AAR2: variants seen among roughly 807,000 people sequenced by gnomAD.
AAR2 encodes the protein AAR2 splicing factor.
A neutral mutation model predicts 26.9 loss-of-function variants in AAR2; 31 were observed. The observed-to-expected ratio is 1.15, with a 90% CI of 0.86 to 1.55. The LOEUF (loss-of-function observed/expected upper bound fraction) is 1.55, where lower values mean the gene tolerates loss of function less well. AAR2 is among the 40% of genes most tolerant of loss of function. The pLI is 0.00. For missense variants in AAR2, 430 were observed against 491.3 expected, an observed-to-expected ratio of 0.88 and a Z score of 1.18; for synonymous variants, 188 against 196.1, an observed-to-expected ratio of 0.96 and a Z score of 0.34.
rs1463772445 is a variant in AAR2, at chr20:36,240,130, G to A, written c.262G>A (p.Val88Met). 6 of 1,614,220 alleles carry A rather than the reference G, an allele frequency of 3.7e-6. No homozygotes were observed. In the South Asian group the frequency reaches 5.5e-5, roughly 15 times the overall value. ...TAGCCTGCACCAGCGGGGGCTGACA[G>A]TGCTGCGCTGGAGCACACTCAGGGA... Reference protein sequence around the residue: ...FLSLHQRGLTVLRWSTLREEV... With the variant: ...FLSLHQRGLTMLRWSTLREEV... Residue 88 changes from valine (V) to methionine (M), a missense_variant, in exon 2 of 4, where the codon GTG becomes ATG. Val to Met is a conservative substitution (Grantham distance 21). Transcript: ENST00000320849.
chr20:36,245,618 GCTT>G (rs1452804969), intron 3 of AAR2, among the ~76,000 whole-genome samples: 41 of 152,256 alleles, frequency 2.7e-4, no homozygotes, highest in Non-Finnish European at 3.8e-4. Flanking sequence ...CCTCCCATGA[GCTT>G]CTTTCTTCTC....
intron 3 of AAR2, among the ~76,000 whole-genome samples, chr20:36,246,727 G>C (rs1320604876): frequency 6.6e-6 from 1 of 152,180 alleles, no homozygotes; most frequent in African/African-American, 2.4e-5. Context: ...GATTTACAAA[G>C]CAGAAAGTGC....
chr20:36,253,223 A>G (rs1436888893), intron 3 of AAR2, among the ~76,000 whole-genome samples: 2 of 152,182 alleles, frequency 1.3e-5, no homozygotes, highest in East Asian at 3.9e-4. Flanking sequence ...AATCAGCTGC[A>G]GAGGACGCCT....
chr20:36,248,091 C>A (rs780016148), intron 3 of AAR2, among the ~76,000 whole-genome samples: 3 of 152,182 alleles, frequency 2.0e-5, no homozygotes, highest in Admixed American at 6.5e-5. Context: ...CATATTTGCT[C>A]ATTCTACAAC....
At chr20:36,246,145 G>A (rs576261526) in intron 3 of AAR2, among the ~76,000 whole-genome samples, 1 of 152,194 alleles carries the variant, frequency 6.6e-6, no homozygotes, top group African/African-American at 2.4e-5. Context: ...TGGAGGTCAG[G>A]ATTTGTACCC....
chr20:36,245,692 A>T (rs1318139508), intron 3 of AAR2, among the ~76,000 whole-genome samples: 1 of 152,152 alleles, frequency 6.6e-6, no homozygotes, highest in African/African-American at 2.4e-5. Flanking sequence ...CCAACCTTCC[A>T]ATCCCACTCG....
At chr20:36,242,964 C>T (rs934976700) in intron 2 of AAR2, among the ~76,000 whole-genome samples, 3 of 150,210 alleles carry the variant, frequency 2.0e-5, no homozygotes, top group African/African-American at 7.4e-5. Context: ...CTCAACTGAG[C>T]CTCCCACCTC....
chr20:36,247,032 ACT>A (rs1051416175), intron 3 of AAR2, among the ~76,000 whole-genome samples: 16 of 152,058 alleles, frequency 1.1e-4, no homozygotes, highest in Admixed American at 3.3e-4. Flanking sequence ...TGTATAGAAG[ACT>A]CTGTTCTAGA....
At chr20:36,245,018 C>A in intron 3 of AAR2, 92 bp downstream of exon 3, 1 of 1,195,058 alleles carries the variant, frequency 8.4e-7, no homozygotes, top group Non-Finnish European at 1.2e-6. Context: ...TCCATGACCC[C>A]AAAATTTTTA....
intron 3 of AAR2, among the ~76,000 whole-genome samples, chr20:36,248,074 C>T (rs2064751434): frequency 6.6e-6 from 1 of 152,120 alleles, no homozygotes; most frequent in South Asian, 2.1e-4. Context: ...TTTCCCTCTC[C>T]CTGGTACATA....
intron 1 of AAR2, 24 bp from the exon 2 acceptor site, chr20:36,239,797 A>T: frequency 6.7e-7 from 1 of 1,496,704 alleles, no homozygotes; most frequent in South Asian, 1.4e-5. Flanking sequence ...CGTTCTGATT[A>T]ACTCTGGTTT....
In AAR2 at chr20:36,242,491, C is replaced by T. The variant is rs559221677; in HGVS notation, c.757+1866C>T. ...CTGCAAGCTCCGCCTCCCGGGTTCA[C>T]GCCATTCTCCTGCCTCAGCCTCCTG... On this transcript the variant is annotated intron_variant, in intron 2 of 3. Transcript: ENST00000320849. 1.3e-4 allele frequency among the ~76,000 whole-genome samples: 19 copies of T among 151,988 alleles called. No homozygotes were observed. The East Asian group carries it at 2.1e-3, about 17-fold the overall frequency.
At chr20:36,251,453 C>G (rs965837317) in intron 3 of AAR2, among the ~76,000 whole-genome samples, 2 of 152,010 alleles carry the variant, frequency 1.3e-5, no homozygotes, top group Non-Finnish European at 1.5e-5. Flanking sequence ...CCAGACTATG[C>G]CCTGTGTCCT....
At chr20:36,242,170 C>G (rs1430975992) in intron 2 of AAR2, among the ~76,000 whole-genome samples, 3 of 107,248 alleles carry the variant, frequency 2.8e-5, no homozygotes, top group Admixed American at 1.2e-4. Flanking sequence ...TTTTTTGAGA[C>G]AGGGTTTCGC....
At chr20:36,241,886 T>C (rs1004698341) in intron 2 of AAR2, among the ~76,000 whole-genome samples, 1 of 152,154 alleles carries the variant, frequency 6.6e-6, no homozygotes, top group East Asian at 1.9e-4. Context: ...GAGAAGGTTT[T>C]TGCATCCTTG....
Position 36,255,821 on chromosome 20 carries a change from C to A in AAR2, c.*76C>A. On this transcript the variant is annotated 3_prime_UTR_variant, in exon 4 of 4. Transcript: ENST00000320849. ...CCTGGCCTCTCCATTTACTTCTTCC[C>A]ATCCTGGGACCTGCCAGGGCAGCAA... 6.5e-7 allele frequency: 1 copy of A among 1,546,016 alleles called. No individual in the cohort carries two copies. Among genetic ancestry groups the A allele is most frequent in the Non-Finnish European group, 8.8e-7 (1 of 1,141,716 alleles).
chr20:36,244,756 C>T lies in AAR2; in HGVS notation c.817C>T (p.His273Tyr). The change falls in exon 3 of 4, where the codon CAT (histidine) becomes TAT (tyrosine). Residue 273 changes from histidine to tyrosine, a missense_variant. Physicochemically the swap from His to Tyr is moderately conservative, Grantham distance 83 (BLOSUM62 2). Coordinates refer to ENST00000320849, the MANE Select transcript of AAR2 (RefSeq NM_001271874.2). ...GGGGAATGTGTACGAGGCATTTGAG[C>T]ATTGGAAGCGGCTCCTGAACCTCCT... ...LLGNVYEAFE[H>Y]WKRLLNLLCR... is the part of the protein sequence containing the mutation. 1 of 1,614,174 alleles carries T rather than the reference C, an allele frequency of 6.2e-7. No homozygotes were observed.
chr20:36,238,030 C>T (rs372358050), intron 1 of AAR2, among the ~76,000 whole-genome samples: 4 of 151,968 alleles, frequency 2.6e-5, no homozygotes, highest in African/African-American at 2.4e-5. Flanking sequence ...ATTATCCATC[C>T]GCCTCGGCCT....
chr20:36,251,088 TGAG>T (rs1270369717), intron 3 of AAR2, among the ~76,000 whole-genome samples: 2 of 151,942 alleles, frequency 1.3e-5, no homozygotes, highest in African/African-American at 4.8e-5. Context: ...TCTCAACTAC[TGAG>T]GAGGCCTAGA....
Sources: allele counts gnomAD v4.1 joint callset (sites outside exome capture counted in the v4.1 genomes callset), GRCh38; gene constraint gnomAD v4.1.1; transcripts MANE v1.5; gene names NCBI Gene and HGNC (gene_info 2026-07-23, HGNC 2026-07-21).